ARHGAP15: variants seen among roughly 807,000 people sequenced by gnomAD.
ARHGAP15 encodes rho GTPase-activating protein 15.
In ARHGAP15, 51 loss-of-function variants were observed where a neutral mutation model predicts 63.7. The observed-to-expected ratio is 0.80, with a 90% CI of 0.64 to 1.01. The LOEUF (loss-of-function observed/expected upper bound fraction) is 1.01. ARHGAP15 is among the 50% of genes least tolerant of loss of function. The pLI is 0.00. For missense variants in ARHGAP15, 560 were observed against 564.6 expected, an observed-to-expected ratio of 0.99 and a Z score of 0.08; for synonymous variants, 191 against 193.8, an observed-to-expected ratio of 0.99 and a Z score of 0.12.
intron 6 of ARHGAP15, among the ~76,000 whole-genome samples, chr2:143,416,825 C>CTA (rs1688705006): frequency 2.7e-5 from 1 of 37,150 alleles, no homozygotes; most frequent in African/African-American, 7.9e-5. Flanking sequence ...CCCACCACCC[C>CTA]CCCACCCCCA....
chr2:143,682,895 G>T (rs1256993421), intron 12 of ARHGAP15: 1 of 152,138 alleles, frequency 6.6e-6, no homozygotes, highest in Non-Finnish European at 1.5e-5. Flanking sequence ...TGCCAGTCTG[G>T]TGTAATAGCA....
chr2:143,416,586 T>A (rs1314735050), intron 6 of ARHGAP15, among the ~76,000 whole-genome samples: 1 of 152,200 alleles, frequency 6.6e-6, no homozygotes, highest in Non-Finnish European at 1.5e-5. Flanking sequence ...CTAGCTGGTA[T>A]CAAGCTGCTC....
intron 13 of ARHGAP15, among the ~76,000 whole-genome samples, chr2:143,706,808 T>C (rs1418373771): frequency 6.6e-6 from 1 of 152,182 alleles, no homozygotes; most frequent in Non-Finnish European, 1.5e-5. Context: ...CAGAAACCTT[T>C]ATTAATAGCC....
At chr2:143,706,574 AG>A (rs1424089167) in intron 13 of ARHGAP15, 6 of 152,162 alleles carry the variant, frequency 3.9e-5, no homozygotes, top group African/African-American at 1.4e-4. Context: ...AATGCGGCAC[AG>A]TTGGACTAGA....
At chr2:143,257,354 C>CA (rs752539173) in intron 6 of ARHGAP15, among the ~76,000 whole-genome samples, 36 of 152,098 alleles carry the variant, frequency 2.4e-4, no homozygotes, top group Non-Finnish European at 4.1e-4. Context: ...TTTGTAATTC[C>CA]AAAATAACAT....
intron 10 of ARHGAP15, among the ~76,000 whole-genome samples, chr2:143,555,829 A>G (rs1202801635): frequency 6.6e-6 from 1 of 151,680 alleles, no homozygotes; most frequent in Non-Finnish European, 1.5e-5. Context: ...TCAGATCAAA[A>G]TATGTTATTC....
At chr2:143,155,730 A>G in intron 2 of ARHGAP15, 75 bp downstream of exon 2, 1 of 1,423,994 alleles carries the variant, frequency 7.0e-7, no homozygotes, top group Non-Finnish European at 9.4e-7. Context: ...AAAGCTAATT[A>G]GTCTTGTTTT....
intron 11 of ARHGAP15, among the ~76,000 whole-genome samples, chr2:143,612,608 G>A (rs774178557): frequency 4.6e-5 from 7 of 152,200 alleles, no homozygotes; most frequent in South Asian, 2.1e-4. Flanking sequence ...CCACAGAGGC[G>A]AGGCTCAGAC....
chr2:143,235,933 T>G (rs1693625186), intron 5 of ARHGAP15: 3 of 1,545,018 alleles, frequency 1.9e-6, no homozygotes, highest in Admixed American at 2.0e-5. Flanking sequence ...CCTGCTGTAC[T>G]TTGTGATTTT....
chr2:143,203,141 A>C (rs1692189503), intron 3 of ARHGAP15, among the ~76,000 whole-genome samples: 1 of 151,900 alleles, frequency 6.6e-6, no homozygotes, highest in South Asian at 2.1e-4. Flanking sequence ...TAGCTATTTC[A>C]TCCCTGTTAT....
chr2:143,300,696 G>A (rs1682855333), intron 6 of ARHGAP15, among the ~76,000 whole-genome samples: 1 of 152,032 alleles, frequency 6.6e-6, no homozygotes, highest in East Asian at 1.9e-4. Context: ...CTACTTACCA[G>A]TCTTGTCCCA....
chr2:143,517,097 C>T lies in ARHGAP15; in HGVS notation c.827-2169C>T, dbSNP rs180720497. Among the ~76,000 whole-genome samples, 25 of 152,150 alleles carry T rather than the reference C, an allele frequency of 1.6e-4. No individual in the cohort carries two copies. In the East Asian group the frequency reaches 3.7e-3, roughly 22 times the overall value. ...CTGAGTAGCTGGGACTACAGGCACG[C>T]GCCACCATGCCCAGCTAATTTTTGT... On this transcript the variant is annotated intron_variant, in intron 9 of 13. Transcript: ENST00000295095.
At chr2:143,720,604 G>A (rs1389907714) in intron 13 of ARHGAP15, among the ~76,000 whole-genome samples, 1 of 152,188 alleles carries the variant, frequency 6.6e-6, no homozygotes, top group African/African-American at 2.4e-5. Flanking sequence ...GGATTCGAAT[G>A]AATGAGGGCA....
At chr2:143,540,773 T>A (rs1177544425) in intron 10 of ARHGAP15, among the ~76,000 whole-genome samples, 2 of 152,214 alleles carry the variant, frequency 1.3e-5, no homozygotes, top group Non-Finnish European at 2.9e-5. Flanking sequence ...CTTCCCTTTG[T>A]GGTTAACCTG....
chr2:143,255,549 T>G (rs1246102707), intron 6 of ARHGAP15, among the ~76,000 whole-genome samples: 1 of 152,168 alleles, frequency 6.6e-6, no homozygotes, highest in African/African-American at 2.4e-5. Context: ...GATCTGAATA[T>G]GTCTTATCTT....
intron 12 of ARHGAP15, among the ~76,000 whole-genome samples, chr2:143,632,428 TTACA>T (rs1680087443): frequency 1.3e-5 from 2 of 152,124 alleles, no homozygotes; most frequent in African/African-American, 4.8e-5. Context: ...AGTAATGATG[TTACA>T]TACAAGTCTT....
intron 2 of ARHGAP15, among the ~76,000 whole-genome samples, chr2:143,189,586 C>G (rs1253804035): frequency 1.3e-5 from 2 of 151,614 alleles, no homozygotes; most frequent in African/African-American, 4.8e-5. Flanking sequence ...CTCAGCCTCC[C>G]AAATAGCTGG....
At position 143,307,187 on chromosome 2, in the gene ARHGAP15, C is replaced by G. The variant is rs116576624; in HGVS notation, c.474+56587C>G. Among the ~76,000 whole-genome samples the G allele has an allele frequency of 2.9e-3, 440 of 152,206 alleles. 2 individuals carry two copies. The highest frequency in any genetic ancestry group is 0.01 in the African/African-American group (431 of 41,552). On this transcript the variant is annotated intron_variant, in intron 6 of 13. Coordinates refer to ENST00000295095, the MANE Select transcript of ARHGAP15 (RefSeq NM_018460.4). ...GGGCTTGATCATCTTTTAAAGAGTG[C>G]TCTTGATGAGCTCAGCCCTCCCAGA...
chr2:143,722,595 G>A (rs1304480288), intron 13 of ARHGAP15, among the ~76,000 whole-genome samples: 2 of 152,182 alleles, frequency 1.3e-5, no homozygotes, highest in South Asian at 2.1e-4. Context: ...TAATGTAACA[G>A]GAAGGGAACA....
Sources: gnomAD v4.1 joint callset for allele counts (sites outside exome capture counted in the v4.1 genomes callset) on GRCh38, gnomAD v4.1.1 for gene constraint, MANE v1.5 for transcripts, NCBI Gene and HGNC (gene_info 2026-07-23, HGNC 2026-07-21) for gene names.